RBM47: variants seen among roughly 807,000 people sequenced by gnomAD.
RBM47 encodes RNA-binding protein 47.
A neutral mutation model predicts 47.1 loss-of-function variants in RBM47; 21 were observed. The ratio of observed to expected loss-of-function variants is 0.45; its 90% CI spans 0.32 to 0.64. The LOEUF (loss-of-function observed/expected upper bound fraction) is 0.64. Ranked by LOEUF, RBM47 falls within the 30% of genes least tolerant of loss-of-function variation. RBM47 has a pLI of 0.05. For synonymous variants in RBM47, 375 were observed against 361.7 expected, an observed-to-expected ratio of 1.04 and a Z score of -0.42; for missense variants, 708 against 870.9, an observed-to-expected ratio of 0.81 and a Z score of 2.35.
chr4:40,483,706 A>AAATACAATACAATAC (rs374812140), intron 2 of RBM47, among the ~76,000 whole-genome samples: 1 of 152,058 alleles, frequency 6.6e-6, no homozygotes, highest in African/African-American at 2.4e-5. Context: ...AAAAGAACAA[A>AAATACAATACAATAC]AATACAATAC....
intron 6 of RBM47, among the ~76,000 whole-genome samples, chr4:40,430,810 T>C (rs1715868839): frequency 6.6e-6 from 1 of 152,174 alleles, no homozygotes; most frequent in Non-Finnish European, 1.5e-5. Flanking sequence ...TTAAAAAATG[T>C]AGGCAACGGC....
chr4:40,576,322 TA>T (rs1195103915), intron 1 of RBM47, among the ~76,000 whole-genome samples: 3 of 149,488 alleles, frequency 2.0e-5, no homozygotes, highest in Non-Finnish European at 4.4e-5. Context: ...ATCAATTTTT[TA>T]AAAAAATTTT....
chr4:40,453,570 A>G (rs1184141689), intron 3 of RBM47, among the ~76,000 whole-genome samples: 1 of 152,272 alleles, frequency 6.6e-6, no homozygotes, highest in Admixed American at 6.5e-5. Flanking sequence ...GATTAAGATG[A>G]TGAAGATGAA....
chr4:40,504,989 A>G (rs571770987), intron 2 of RBM47, among the ~76,000 whole-genome samples: 7 of 152,312 alleles, frequency 4.6e-5, no homozygotes, highest in African/African-American at 1.7e-4. Context: ...AAGATTCCTT[A>G]ATTTTCCTTT....
chr4:40,506,492 T>C (rs2154251818), intron 2 of RBM47, among the ~76,000 whole-genome samples: 1 of 152,314 alleles, frequency 6.6e-6, no homozygotes, highest in East Asian at 1.9e-4. Flanking sequence ...TTGGAATCTT[T>C]GTGGAAAAGG....
intron 3 of RBM47, among the ~76,000 whole-genome samples, chr4:40,458,849 G>A (rs918197193): frequency 1.3e-5 from 2 of 151,786 alleles, no homozygotes; most frequent in Non-Finnish European, 2.9e-5. Flanking sequence ...GCAAACATAC[G>A]GCGAAGGTTA....
chr4:40,514,518 G>C (rs915581573), intron 2 of RBM47: 1 of 152,152 alleles, frequency 6.6e-6, no homozygotes, highest in African/African-American at 2.4e-5. Context: ...GCACGTACCT[G>C]CTAAGCACCT....
At chr4:40,445,273 CAA>C (rs35418476) in intron 3 of RBM47, among the ~76,000 whole-genome samples, 1,373 of 106,558 alleles carry the variant, frequency 0.013, 14 homozygotes, top group African/African-American at 0.042. Context: ...GACTCCGTCT[CAA>C]AAAAAAAAAA....
intron 1 of RBM47, among the ~76,000 whole-genome samples, chr4:40,574,608 G>T (rs562806499): frequency 1.3e-5 from 2 of 152,200 alleles, no homozygotes; most frequent in African/African-American, 4.8e-5. Context: ...CCAGCACTTT[G>T]GGAAGCTGAG....
chr4:40,600,463 T>C (rs923012150), intron 1 of RBM47, among the ~76,000 whole-genome samples: 2 of 148,306 alleles, frequency 1.3e-5, no homozygotes, highest in Non-Finnish European at 3.0e-5. Context: ...TGAAACCCCG[T>C]CTCTACTAAA....
chr4:40,441,377 C>G (rs1331278864), intron 3 of RBM47, among the ~76,000 whole-genome samples: 1 of 151,940 alleles, frequency 6.6e-6, no homozygotes, highest in Admixed American at 6.6e-5. Flanking sequence ...CTCAGCCTCC[C>G]AAAGTGCTAG....
intron 1 of RBM47, among the ~76,000 whole-genome samples, chr4:40,550,932 A>T (rs1429479637): frequency 6.6e-6 from 1 of 152,080 alleles, no homozygotes. Flanking sequence ...TTCCTTATGC[A>T]AGAAACATTT....
chr4:40,423,656 CTTTCTT>C lies in RBM47; in HGVS notation c.*2242_*2247del, dbSNP rs1404589768. ...TTTTTTTTATTCTTTCTTTCTTTTT[CTTTCTT>C]TCTTTCTTTCTTTCTTTCTTTCTTT... is the stretch of plus-strand genomic sequence containing the variant. On this transcript the variant is annotated 3_prime_UTR_variant, in exon 7 of 7. Coordinates refer to ENST00000295971, the MANE Select transcript of RBM47 (RefSeq NM_001098634.2). 342 of 14,562 alleles carry C rather than the reference CTTTCTT, an allele frequency of 0.023. 2 individuals are homozygous for C. The highest frequency in any genetic ancestry group is 0.051 in the Non-Finnish European group (250 of 4,940). 0.9% of individuals were successfully genotyped at this position (14,562 alleles called of 1,614,324 possible).
At position 40,573,804 on chromosome 4, in the gene RBM47, A is replaced by AG. The variant is rs1732001788; in HGVS notation, c.-239-29299dup. 1.2e-4 allele frequency among the ~76,000 whole-genome samples: 13 copies of AG among 106,850 alleles called. 1 individual carries two copies. The highest frequency in any genetic ancestry group is 9.1e-5 in the Admixed American group (1 of 10,964). 70.1% of individuals were successfully genotyped at this position (106,850 alleles called of 152,430 possible). A position where few individuals can be genotyped will look rare whatever the true frequency, so the allele number is the denominator to read the frequency against. The stretch of plus-strand genomic sequence containing the variant: ...AAGAAAGAGAGAGAGAGAGAAAGAA[A>AG]GAAAAAGAAAGAAAGAAAGAAAGAA... On this transcript the variant is annotated intron_variant, in intron 1 of 6. Coordinates refer to ENST00000295971, the MANE Select transcript of RBM47 (RefSeq NM_001098634.2).
rs116129107 is a variant in RBM47, at chr4:40,473,936, T to G, written c.-154-7237A>C. On this transcript the variant is annotated intron_variant, in intron 2 of 6. Coordinates refer to ENST00000295971, the MANE Select transcript of RBM47 (RefSeq NM_001098634.2). ...ACACAAATTACTGAATCTTTACATA[T>G]GATTCACAGATGGTGGTGATGAGAT... 9.7e-3 allele frequency among the ~76,000 whole-genome samples: 1,479 copies of G among 152,328 alleles called. 36 individuals carry two copies. The highest frequency in any genetic ancestry group is 0.034 in the African/African-American group (1,415 of 41,568).
At chr4:40,502,042 G>C (rs1316202522) in intron 2 of RBM47, 1 of 154,298 alleles carries the variant, frequency 6.5e-6, no homozygotes, top group East Asian at 1.9e-4. Context: ...CCTGTCTCCT[G>C]CTTGGCCTGC....
rs944723296 is a variant in RBM47, at chr4:40,423,953, A to T, written c.*1951T>A. The T allele has an allele frequency of 6.6e-6, 1 of 152,428 alleles. No individual in the cohort carries two copies. The highest frequency in any genetic ancestry group is 2.4e-5 in the African/African-American group (1 of 41,418). The allele number at this position is 152,428 out of a possible 1,614,324, so 9.4% of individuals were successfully genotyped here. On this transcript the variant is annotated 3_prime_UTR_variant, in exon 7 of 7. Coordinates refer to ENST00000295971, the MANE Select transcript of RBM47 (RefSeq NM_001098634.2). ...TTGAATGCAGCTTGTGGGGTACATC[A>T]TCAGGAACATTGCACAATTATTTTA...
intron 2 of RBM47, among the ~76,000 whole-genome samples, chr4:40,500,354 G>A (rs1723192479): frequency 6.6e-6 from 1 of 152,124 alleles, no homozygotes; most frequent in African/African-American, 2.4e-5. Context: ...GCTCATGCCT[G>A]TAATCCCAGC....
At chr4:40,449,039 A>C (rs926120656) in intron 3 of RBM47, among the ~76,000 whole-genome samples, 3 of 152,214 alleles carry the variant, frequency 2.0e-5, no homozygotes, top group Admixed American at 2.0e-4. Context: ...CACCCAGTAG[A>C]ATAAACATTG....
Sources: allele counts gnomAD v4.1 joint callset (sites outside exome capture counted in the v4.1 genomes callset), GRCh38; gene constraint gnomAD v4.1.1; transcripts MANE v1.5; gene names NCBI Gene and HGNC (gene_info 2026-07-23, HGNC 2026-07-21).